Variants in NOX4 observed in about 807,000 individuals in gnomAD.
The protein encoded by NOX4 is kidney oxidase-1.
In NOX4, 69 loss-of-function variants were observed where a neutral mutation model predicts 87.6. The ratio of observed to expected loss-of-function variants is 0.79; its 90% CI spans 0.65 to 0.96. NOX4 has a LOEUF of 0.96. Among genes scored for constraint, NOX4 ranks in the 40% least tolerant of loss-of-function variants. NOX4 has a pLI of 0.00. For synonymous variants in NOX4, 275 were observed against 238.2 expected (o/e 1.15, Z -1.42); for missense variants, 680 against 681.5 (o/e 1.00, Z 0.02).
chr11:89,469,268 T>C (rs1408030119), intron 2 of NOX4, among the ~76,000 whole-genome samples: 3 of 152,066 alleles, frequency 2.0e-5, no homozygotes, highest in East Asian at 3.9e-4. Flanking sequence ...TCAAAGGGAG[T>C]TGAAAAAGCC....
intron 12 of NOX4, among the ~76,000 whole-genome samples, chr11:89,364,659 T>C (rs1295055377): frequency 2.6e-5 from 4 of 152,126 alleles, no homozygotes; most frequent in South Asian, 2.1e-4. Context: ...ATAAGCAACA[T>C]AAAAATCCTC....
chr11:89,566,907 G>A, the NOX4 span, among the ~76,000 whole-genome samples: 71 of 152,040 alleles, frequency 4.7e-4, no homozygotes, highest in Non-Finnish European at 9.1e-4. Flanking sequence ...AGGAATCCCC[G>A]TGACCTCCAT....
At chr11:89,456,959 C>A (rs1441271959) in intron 2 of NOX4, among the ~76,000 whole-genome samples, 1 of 152,184 alleles carries the variant, frequency 6.6e-6, no homozygotes, top group African/African-American at 2.4e-5. Flanking sequence ...GTCTGCTGGC[C>A]TCTCCTGGGT....
chr11:89,541,970 T>G, the NOX4 span, among the ~76,000 whole-genome samples: 1 of 133,722 alleles, frequency 7.5e-6, no homozygotes, highest in Non-Finnish European at 1.6e-5. Context: ...CATACCCAGC[T>G]AATTTTTGTA....
chr11:89,512,986 A>C, the NOX4 span, among the ~76,000 whole-genome samples: 1 of 152,200 alleles, frequency 6.6e-6, no homozygotes, highest in Non-Finnish European at 1.5e-5. Context: ...TTTAACTGAA[A>C]TCTTTGGAGG....
At chr11:89,547,237 G>A in the NOX4 span, among the ~76,000 whole-genome samples, 1 of 152,010 alleles carries the variant, frequency 6.6e-6, no homozygotes, top group African/African-American at 2.4e-5. Context: ...TCACATGGGG[G>A]GGGACAATTG....
chr11:89,429,863 C>T (rs937958676), intron 7 of NOX4, among the ~76,000 whole-genome samples: 3 of 152,292 alleles, frequency 2.0e-5, no homozygotes, highest in Admixed American at 2.0e-4. Context: ...ATAAGGCCAG[C>T]ATCATCCTAA....
the NOX4 span, among the ~76,000 whole-genome samples, chr11:89,561,085 A>ATATATATATATG: frequency 8.3e-6 from 1 of 120,586 alleles, no homozygotes; most frequent in African/African-American, 3.3e-5. Context: ...ATATATATAT[A>ATATATATATATG]TCCTATCAGT....
At chr11:89,524,000 T>A in the NOX4 span, among the ~76,000 whole-genome samples, 27 of 152,306 alleles carry the variant, frequency 1.8e-4, no homozygotes, top group African/African-American at 6.0e-4. Flanking sequence ...GAGAATGAAC[T>A]GCACTGAGGT....
the NOX4 span, among the ~76,000 whole-genome samples, chr11:89,556,670 AC>A: frequency 6.6e-6 from 1 of 152,164 alleles, no homozygotes; most frequent in African/African-American, 2.4e-5. Context: ...AAAACTATTC[AC>A]TAAAAGAAAT....
chr11:89,516,515 C>T, the NOX4 span, among the ~76,000 whole-genome samples: 3 of 151,958 alleles, frequency 2.0e-5, no homozygotes, highest in African/African-American at 7.2e-5. Flanking sequence ...ATGCCTTCAG[C>T]TTTCTGAACT....
At chr11:89,579,181 A>G in the NOX4 span, among the ~76,000 whole-genome samples, 37 of 152,226 alleles carry the variant, frequency 2.4e-4, no homozygotes, top group Admixed American at 1.9e-3. Flanking sequence ...GGTGGAGCAC[A>G]GGGAAGTTTT....
the NOX4 span, among the ~76,000 whole-genome samples, chr11:89,523,013 C>T: frequency 6.6e-6 from 1 of 152,000 alleles, no homozygotes; most frequent in African/African-American, 2.4e-5. Context: ...AAGTACAGAA[C>T]GCTTTTTTTT....
intron 3 of NOX4, among the ~76,000 whole-genome samples, 185 bp from the exon 4 acceptor site, chr11:89,449,709 G>A (rs1944869227): frequency 6.6e-6 from 1 of 151,890 alleles, no homozygotes; most frequent in Non-Finnish European, 1.5e-5. Context: ...AAATATATGT[G>A]AGAAGTCCAT....
intron 11 of NOX4, among the ~76,000 whole-genome samples, chr11:89,379,573 T>C (rs954925941): frequency 4.6e-5 from 7 of 152,150 alleles, no homozygotes; most frequent in Non-Finnish European, 1.0e-4. Flanking sequence ...AAATATTTAA[T>C]GAAAGCACTC....
chr11:89,452,043 T>C (rs963785211), intron 2 of NOX4, 148 bp from the exon 3 acceptor site: 4 of 574,096 alleles, frequency 7.0e-6, no homozygotes, highest in Non-Finnish European at 9.4e-6. Flanking sequence ...GTCTTCCCTT[T>C]TCCTCTCACT....
chr11:89,432,112 T>A (rs372758455), intron 7 of NOX4, among the ~76,000 whole-genome samples: 5,447 of 151,812 alleles, frequency 0.036, 321 homozygotes, highest in African/African-American at 0.12. Context: ...CAAAAAACTA[T>A]ACACCACATG....
intron 11 of NOX4, among the ~76,000 whole-genome samples, chr11:89,392,883 T>A (rs1565230874): frequency 1.3e-5 from 2 of 152,046 alleles, no homozygotes; most frequent in African/African-American, 4.8e-5. Flanking sequence ...TTTATATGAG[T>A]ACTTTAGCAG....
At chr11:89,554,820 G>A in the NOX4 span, among the ~76,000 whole-genome samples, 1,212 of 151,938 alleles carry the variant, frequency 8.0e-3, 30 homozygotes, top group East Asian at 0.074. Flanking sequence ...TAATTAGAAG[G>A]CATAAATACA....
Sources: gnomAD v4.1 joint callset for allele counts (sites outside exome capture counted in the v4.1 genomes callset) on GRCh38, gnomAD v4.1.1 for gene constraint, MANE v1.5 for transcripts, NCBI Gene and HGNC (gene_info 2026-07-23, HGNC 2026-07-21) for gene names.